THSD7B: variants seen among roughly 807,000 people sequenced by gnomAD.
THSD7B encodes thrombospondin type 1 domain containing 7B, also known as thrombospondin type-1 domain-containing protein 7B.
A neutral mutation model predicts 213.6 loss-of-function variants in THSD7B; 138 were observed. That is an observed-to-expected ratio of 0.65 (90% confidence interval 0.56 to 0.74). THSD7B has a LOEUF of 0.74. Ranked by LOEUF, THSD7B falls within the 30% of genes least tolerant of loss-of-function variation. The pLI is 0.00. For synonymous variants in THSD7B, 742 were observed against 687.0 expected, an observed-to-expected ratio of 1.08 and a Z score of -1.25; for missense variants, 1,931 against 1,991.5, an observed-to-expected ratio of 0.97 and a Z score of 0.58.
At chr2:137,083,667 A>T (rs115416494) in intron 3 of THSD7B, among the ~76,000 whole-genome samples, 5,088 of 152,218 alleles carry the variant, frequency 0.033, 119 homozygotes, top group South Asian at 0.064. Flanking sequence ...TTTTGAATCT[A>T]TCTCAGTTCT....
Position 137,056,639 on chromosome 2 carries a change from C to T in THSD7B, c.359C>T (p.Ala120Val), listed in dbSNP as rs1406664055. 1.9e-6 allele frequency: 3 copies of T among 1,613,976 alleles called. No homozygotes were observed. The highest frequency in any genetic ancestry group is 3.3e-4 in the Middle Eastern group (2 of 6,062). Residue 120 changes from alanine to valine, a missense_variant, in exon 3 of 28, where the codon GCT becomes GTT. Physicochemically the swap from Ala to Val is moderately conservative, Grantham distance 64. Coordinates refer to ENST00000409968, the MANE Select transcript of THSD7B (RefSeq NM_001316349.2). Reference protein sequence around the residue: ...DWHHCVLVPYARGEVKPRTAE... With the variant: ...DWHHCVLVPYVRGEVKPRTAE... ...CACCACTGTGTGCTTGTTCCTTACG[C>T]TCGCGGTGAAGTCAAGCCTCGGACT...
chr2:137,362,345 C>G (rs1349881051), intron 12 of THSD7B, among the ~76,000 whole-genome samples: 1 of 152,160 alleles, frequency 6.6e-6, no homozygotes, highest in Non-Finnish European at 1.5e-5. Context: ...AAATAACCAG[C>G]TAACATCATA....
intron 7 of THSD7B, among the ~76,000 whole-genome samples, chr2:137,214,332 TA>T (rs1426263076): frequency 5.3e-5 from 8 of 152,134 alleles, no homozygotes; most frequent in African/African-American, 1.9e-4. Context: ...ATTGAACTAT[TA>T]AAATGACAAC....
chr2:137,578,469 A>T lies in THSD7B; in HGVS notation c.3423+5913A>T, dbSNP rs1250823874. Among the ~76,000 whole-genome samples, 2 of 152,234 alleles carry T rather than the reference A, an allele frequency of 1.3e-5. 1 individual carries two copies. The highest frequency in any genetic ancestry group is 2.9e-5 in the Non-Finnish European group (2 of 68,042). ...TAGTGTGAACAGTGATACCTCTTCA[A>T]GCTCTGAGACCATTTGTTAATGACC... is the stretch of plus-strand genomic sequence containing the variant. On this transcript the variant is annotated intron_variant, in intron 17 of 27. Coordinates refer to ENST00000409968, the MANE Select transcript of THSD7B (RefSeq NM_001316349.2).
intron 1 of THSD7B, among the ~76,000 whole-genome samples, chr2:136,872,835 A>AAAAAAAC (rs1683456576): frequency 1.4e-5 from 2 of 138,810 alleles, no homozygotes; most frequent in African/African-American, 2.7e-5. Flanking sequence ...AAAAAAAAAA[A>AAAAAAAC]AAAGCCAGGC....
At position 137,339,251 on chromosome 2, in the gene THSD7B, C is replaced by T. The variant is rs373675887; in HGVS notation, c.2500+63225C>T. Among the ~76,000 whole-genome samples, 34 of 147,378 alleles carry T rather than the reference C, an allele frequency of 2.3e-4. No individual in the cohort carries two copies. The East Asian group carries it at 6.6e-3, about 28-fold the overall frequency. Reference sequence around the variant, plus strand: ...AAGCACAACTGTTTCTGTCAGATGGCGAGCATCCAGCGCATCCAGAAATCA... The same window carrying T: ...AAGCACAACTGTTTCTGTCAGATGGTGAGCATCCAGCGCATCCAGAAATCA... On this transcript the variant is annotated intron_variant, in intron 12 of 27. Coordinates refer to ENST00000409968, the MANE Select transcript of THSD7B (RefSeq NM_001316349.2).
chr2:137,194,790 ATTATT>A (rs1454214673), intron 7 of THSD7B, among the ~76,000 whole-genome samples: 7 of 152,116 alleles, frequency 4.6e-5, no homozygotes, highest in Non-Finnish European at 1.0e-4. Flanking sequence ...ACTCTATTGA[ATTATT>A]TTATTATTTG....
intron 5 of THSD7B, among the ~76,000 whole-genome samples, chr2:137,150,081 A>G (rs1679785661): frequency 6.6e-6 from 1 of 152,032 alleles, no homozygotes; most frequent in African/African-American, 2.4e-5. Context: ...TGTCTCTACT[A>G]AAAATACAAA....
chr2:137,573,599 C>T (rs1573717944), intron 17 of THSD7B, among the ~76,000 whole-genome samples: 1 of 152,000 alleles, frequency 6.6e-6, no homozygotes, highest in Non-Finnish European at 1.5e-5. Context: ...ACTACTAAGT[C>T]ATTTATTTTG....
chr2:137,339,117 A>G (rs1684703773), intron 12 of THSD7B, among the ~76,000 whole-genome samples: 1 of 151,540 alleles, frequency 6.6e-6, no homozygotes, highest in Non-Finnish European at 1.5e-5. Context: ...CTGAATAAAT[A>G]TCTTTTGAAG....
At chr2:137,630,863 A>C (rs1441931916) in intron 20 of THSD7B, among the ~76,000 whole-genome samples, 6 of 152,196 alleles carry the variant, frequency 3.9e-5, no homozygotes, top group Non-Finnish European at 8.8e-5. Context: ...GTCAAACTTC[A>C]GCAGCTGCAG....
chr2:137,066,009 T>C (rs1687370565), intron 3 of THSD7B, among the ~76,000 whole-genome samples: 1 of 152,018 alleles, frequency 6.6e-6, no homozygotes, highest in Non-Finnish European at 1.5e-5. Flanking sequence ...ATTGGCAGTT[T>C]TTGTTTTCGT....
intron 16 of THSD7B, among the ~76,000 whole-genome samples, chr2:137,566,070 A>G (rs1305967633): frequency 6.6e-6 from 1 of 152,206 alleles, no homozygotes; most frequent in African/African-American, 2.4e-5. Flanking sequence ...AAAGTCTTAT[A>G]ATGAATGGAA....
intron 14 of THSD7B, among the ~76,000 whole-genome samples, chr2:137,441,919 A>T: frequency 6.6e-6 from 1 of 152,088 alleles, no homozygotes; most frequent in East Asian, 1.9e-4. Context: ...ATAATGAAAG[A>T]ATATTTCTAC....
intron 7 of THSD7B, among the ~76,000 whole-genome samples, chr2:137,191,131 A>T (rs1280580871): frequency 6.6e-6 from 1 of 152,192 alleles, no homozygotes; most frequent in Non-Finnish European, 1.5e-5. Flanking sequence ...TGCTGATGAT[A>T]ACCCCTGCAG....
chr2:136,928,963 T>C (rs1293605707), intron 2 of THSD7B, among the ~76,000 whole-genome samples: 1 of 152,162 alleles, frequency 6.6e-6, no homozygotes, highest in African/African-American at 2.4e-5. Flanking sequence ...AGAGTATTAG[T>C]TACTAGAGAA....
intron 7 of THSD7B, among the ~76,000 whole-genome samples, chr2:137,221,080 C>T (rs1305518284): frequency 6.6e-6 from 1 of 152,060 alleles, no homozygotes; most frequent in East Asian, 1.9e-4. Flanking sequence ...GCGGGCGGAT[C>T]ACGAGGTCAG....
chr2:136,973,881 G>C (rs1171755827), intron 2 of THSD7B, among the ~76,000 whole-genome samples: 1 of 152,134 alleles, frequency 6.6e-6, no homozygotes, highest in Non-Finnish European at 1.5e-5. Flanking sequence ...GTTAATTTGA[G>C]ACACAGTCTT....
At chr2:137,628,424 C>T (rs904492763) in intron 20 of THSD7B, among the ~76,000 whole-genome samples, 1 of 152,136 alleles carries the variant, frequency 6.6e-6, no homozygotes, top group African/African-American at 2.4e-5. Flanking sequence ...ACTTAGAATT[C>T]AGCACTGGGG....
Sources: gnomAD v4.1 joint callset for allele counts (sites outside exome capture counted in the v4.1 genomes callset) on GRCh38, gnomAD v4.1.1 for gene constraint, MANE v1.5 for transcripts, NCBI Gene and HGNC (gene_info 2026-07-23, HGNC 2026-07-21) for gene names.